The following PCDHGA9 variants were observed in gnomAD, a reference collection of about 807,000 sequenced individuals.
PCDHGA9 encodes the protein protocadherin gamma subfamily A, 9.
PCDHGA9 carries 37 observed loss-of-function variants against 62.5 expected under a neutral mutation model. The ratio of observed to expected loss-of-function variants is 0.59; its 90% CI spans 0.46 to 0.78. The LOEUF is 0.78. Ranked by LOEUF, PCDHGA9 falls within the 30% of genes least tolerant of loss-of-function variation. The probability of loss-of-function intolerance (pLI) is 0.00; values close to 1 mark genes in which losing one functional copy is unlikely to be tolerated. For missense variants in PCDHGA9, 1,138 were observed against 1,166.2 expected (o/e 0.98, Z 0.35); for synonymous variants, 459 against 484.6 (o/e 0.95, Z 0.69).
At chr5:141,428,034 T>A (rs768728101) in intron 1 of PCDHGA9, 8 of 1,607,778 alleles carry the variant, frequency 5.0e-6, no homozygotes, top group Middle Eastern at 1.7e-4. Context: ...AGAGTCCGGC[T>A]ACCTGGTGAC....
At chr5:141,445,781 G>A (rs1424622281) in intron 1 of PCDHGA9, among the ~76,000 whole-genome samples, 25 of 152,112 alleles carry the variant, frequency 1.6e-4, no homozygotes, top group Admixed American at 1.6e-3. Flanking sequence ...AAAGGGCTAG[G>A]GAGGCTAGAA....
rs1429603639 is a variant in PCDHGA9 at position 141,415,751 on chromosome 5, T to TTG, written c.2424+10376_2424+10377insGT. 7.1e-5 allele frequency: 95 copies of TTG among 1,328,716 alleles called. No homozygotes were observed. The African/African-American group carries it at 1.1e-3, about 15-fold the overall frequency. 82.3% of individuals were successfully genotyped at this position (1,328,716 alleles called of 1,614,324 possible). Reference sequence around the variant, plus strand: ...TGATGTTTATTAAGGTTTTTTTTTTTTTTTTTTTTTTTTTTTTTTTTACTT... The same window carrying TTG: ...TGATGTTTATTAAGGTTTTTTTTTTTTGTTTTTTTTTTTTTTTTTTTTTACTT... On this transcript the variant is annotated intron_variant, in intron 1 of 3. Coordinates refer to ENST00000573521, the MANE Select transcript of PCDHGA9 (RefSeq NM_018921.3).
At chr5:141,435,430 T>C (rs576681937) in intron 1 of PCDHGA9, among the ~76,000 whole-genome samples, 115 of 152,334 alleles carry the variant, frequency 7.5e-4, no homozygotes, top group African/African-American at 2.6e-3. Flanking sequence ...ACTTCTGTTA[T>C]GCATTTCATT....
chr5:141,447,433 C>G (rs756021616), intron 1 of PCDHGA9, among the ~76,000 whole-genome samples: 1 of 152,118 alleles, frequency 6.6e-6, no homozygotes. Context: ...CCACCGCACC[C>G]GGAGGAAATT....
chr5:141,448,704 G>A (rs1272148301), intron 1 of PCDHGA9, among the ~76,000 whole-genome samples: 1 of 152,134 alleles, frequency 6.6e-6, no homozygotes. Flanking sequence ...ACTTTGGGAG[G>A]CCGAGGCGGG....
intron 2 of PCDHGA9, among the ~76,000 whole-genome samples, chr5:141,500,779 T>C (rs1222392685): frequency 1.3e-5 from 2 of 152,238 alleles, no homozygotes; most frequent in Non-Finnish European, 2.9e-5. Context: ...TGAATATACA[T>C]ATTATTTTAC....
In PCDHGA9 at chr5:141,418,905, T is replaced by C. The variant is rs144920415; in HGVS notation, c.2424+13529T>C. The C allele has an allele frequency of 5.0e-6, 8 of 1,613,944 alleles. No homozygotes were observed. The East Asian group carries it at 1.8e-4, about 36-fold the overall frequency. ...AACGACAACAGCCCAGAAATAATCA[T>C]CACGTCACTCTCTGATCAGATTATG... On this transcript the variant is annotated intron_variant, in intron 1 of 3. Coordinates refer to ENST00000573521, the MANE Select transcript of PCDHGA9 (RefSeq NM_018921.3).
At position 141,486,785 on chromosome 5, in the gene PCDHGA9, C is replaced by T. The variant is rs763174232; in HGVS notation, c.2425-8022C>T. 1.2e-5 allele frequency: 20 copies of T among 1,614,102 alleles called. No homozygotes were observed. The highest frequency in any genetic ancestry group is 5.3e-5 in the African/African-American group (4 of 74,936). On this transcript the variant is annotated intron_variant, in intron 1 of 3. Transcript: ENST00000573521. This position sits in a 1 kb window ranked among gnomAD's most constrained non-coding sequence, Gnocchi z 5.0. ...GACACTGCAGTTTGAGGTGCAGGCC[C>T]GGGATCGGGGCAACCCACCCCTTAG...
intron 1 of PCDHGA9, among the ~76,000 whole-genome samples, chr5:141,438,497 T>C (rs1274742357): frequency 6.7e-6 from 1 of 149,116 alleles, no homozygotes; most frequent in African/African-American, 2.5e-5. Flanking sequence ...GAAAAAAGAA[T>C]CATAGTGCAA....
intron 1 of PCDHGA9, among the ~76,000 whole-genome samples, chr5:141,483,007 C>T (rs938404755): frequency 1.3e-5 from 2 of 152,022 alleles, no homozygotes; most frequent in Non-Finnish European, 2.9e-5. Flanking sequence ...ATTGCTTGAA[C>T]CCGGGAGGCA....
At chr5:141,463,587 T>TA (rs2099064735) in intron 1 of PCDHGA9, among the ~76,000 whole-genome samples, 1 of 152,058 alleles carries the variant, frequency 6.6e-6, no homozygotes, top group East Asian at 1.9e-4. Context: ...TAGCTGGGAC[T>TA]ACAGGTGCCT....
intron 1 of PCDHGA9, chr5:141,420,319 G>A (rs1393746531): frequency 7.0e-7 from 1 of 1,437,540 alleles, no homozygotes; most frequent in Non-Finnish European, 9.4e-7. Flanking sequence ...ATTACAATAT[G>A]CCAATATATT....
intron 1 of PCDHGA9, among the ~76,000 whole-genome samples, chr5:141,492,685 C>T (rs919981996): frequency 1.3e-5 from 2 of 152,242 alleles, no homozygotes; most frequent in African/African-American, 2.4e-5. Context: ...CAAGGGTCGG[C>T]GACCCCTCAA....
chr5:141,438,617 TATATATATATATATATATACAC>T (rs1342425883), intron 1 of PCDHGA9, among the ~76,000 whole-genome samples: 18 of 37,162 alleles, frequency 4.8e-4, no homozygotes, highest in Admixed American at 2.0e-3. Flanking sequence ...TATATATATA[TATATATATATATATATATACAC>T]ACACACACAC....
chr5:141,460,909 G>GGTGT (rs548378036), intron 1 of PCDHGA9, among the ~76,000 whole-genome samples: 1 of 123,246 alleles, frequency 8.1e-6, no homozygotes, highest in African/African-American at 3.7e-5. Flanking sequence ...AATATTCCAT[G>GGTGT]GTGTATATAT....
At chr5:141,421,699 G>T (rs751572007) in intron 1 of PCDHGA9, 1 of 1,613,928 alleles carries the variant, frequency 6.2e-7, no homozygotes, top group Admixed American at 1.7e-5. Flanking sequence ...TCTTCCTAAT[G>T]CTAGGGATCC....
chr5:141,427,664 C>T (rs760682962), intron 1 of PCDHGA9: 11 of 775,778 alleles, frequency 1.4e-5, no homozygotes, highest in East Asian at 1.0e-4. Context: ...TCCACGTGGC[C>T]GAAAACAACC....
chr5:141,496,499 G>A (rs1417059875), intron 2 of PCDHGA9, among the ~76,000 whole-genome samples: 1 of 152,102 alleles, frequency 6.6e-6, no homozygotes, highest in Non-Finnish European at 1.5e-5. Context: ...AACCCTTGTT[G>A]CCACAAGGAC....
At chr5:141,433,235 C>T (rs1307904588) in intron 1 of PCDHGA9, 13 of 1,509,616 alleles carry the variant, frequency 8.6e-6, no homozygotes, top group Non-Finnish European at 1.1e-5. Context: ...GCTCTGTCTC[C>T]CAAGCTGGAA....
Sources: gnomAD v4.1 joint callset for allele counts (sites outside exome capture counted in the v4.1 genomes callset) on GRCh38, gnomAD v4.1.1 for gene constraint, Gnocchi (gnomAD v3.1) non-coding constraint, MANE v1.5 for transcripts, NCBI Gene and HGNC (gene_info 2026-07-23, HGNC 2026-07-21) for gene names.